TMEM255B: variants seen among roughly 807,000 people sequenced by gnomAD.
TMEM255B encodes family with sequence similarity 70, member B.
In TMEM255B, 35 loss-of-function variants were observed where a neutral mutation model predicts 34.5. That is an observed-to-expected ratio of 1.01 (90% CI 0.77 to 1.34). TMEM255B has a LOEUF of 1.34. Among genes scored for constraint, TMEM255B ranks in the 40% most tolerant of loss-of-function variants. The pLI, the probability that TMEM255B is intolerant of heterozygous loss-of-function variation, is 0.00. For missense variants in TMEM255B, 432 were observed against 433.2 expected (o/e 1.00, Z 0.02); for synonymous variants, 206 against 201.2 (o/e 1.02, Z -0.20).
rs150929981 is a variant in TMEM255B, at chr13:113,801,723, C to G, written c.580C>G (p.Arg194Gly). ...CTGCCAGGACGTGCTGCACCTGTAC[C>G]GCCTGCTCTGGGCCTCTGCAGTTCT... is the stretch of plus-strand genomic sequence containing the variant. The part of the protein sequence containing the change: ...SGCQDVLHLY[R>G]LLWASAVLNV... Residue 194 changes from arginine to glycine, a missense_variant, in exon 7 of 9, where the codon CGC (arginine) becomes GGC (glycine). Coordinates refer to ENST00000375353, the MANE Select transcript of TMEM255B (RefSeq NM_182614.4). 1.2e-6 allele frequency: 2 copies of G among 1,612,904 alleles called. No individual in the cohort carries two copies. Among genetic ancestry groups the G allele is most frequent in the African/African-American group, 2.7e-5 (2 of 74,916 alleles).
At position 113,814,411 on chromosome 13, in the gene TMEM255B, TGTCTA is replaced by T. The variant is rs1475107594; in HGVS notation, c.*2510_*2514del. On this transcript the variant is annotated 3_prime_UTR_variant, in exon 9 of 9. Coordinates refer to ENST00000375353, the MANE Select transcript of TMEM255B (RefSeq NM_182614.4). ...ATCGATCTTTCCCGACTTTTAATCTTGTCTAGAGTCAAAAGCTGTTCAAAAATATT... is the reference window on the plus strand; with the variant it reads ...ATCGATCTTTCCCGACTTTTAATCTTGAGTCAAAAGCTGTTCAAAAATATT... 6.6e-6 allele frequency: 1 copy of T among 152,268 alleles called. No individual in the cohort carries two copies. The highest frequency in any genetic ancestry group is 1.9e-4 in the East Asian group (1 of 5,196). The allele number at this position is 152,268 out of a possible 1,614,324, so 9.4% of individuals were successfully genotyped here. A position where few individuals can be genotyped will look rare whatever the true frequency, so the allele number is the denominator to read the frequency against.
chr13:113,800,803 CCTGACAAGGCCTCT>C lies in TMEM255B; in HGVS notation c.424-20_424-7del. On this transcript the variant is annotated splice_polypyrimidine_tract_variant and intron_variant, in intron 5 of 8. Coordinates refer to ENST00000375353, the MANE Select transcript of TMEM255B (RefSeq NM_182614.4). ...TGAGGTGGTGGGCACCGGCATGTGA[CCTGACAAGGCCTCT>C]CTGCCCCAGGTCACCTGTCACTCCC... 6.3e-7 allele frequency: 1 copy of C among 1,590,518 alleles called. No individual in the cohort carries two copies. Among genetic ancestry groups the C allele is most frequent in the Middle Eastern group, 2.1e-4 (1 of 4,804 alleles).
chr13:113,784,557 G>A lies in TMEM255B; in HGVS notation c.253-10591G>A, dbSNP rs144783079. On this transcript the variant is annotated intron_variant, in intron 3 of 8. Transcript: ENST00000375353. ...GAAGAGGAAGAAGAAGAAGAAGAAG[G>A]AGGAGAAGGGAGGAGGAGAAGGAGG... Among the ~76,000 whole-genome samples the A allele has an allele frequency of 8.9e-3, 1,357 of 152,154 alleles. 29 individuals are homozygous for A. Among genetic ancestry groups the A allele is most frequent in the African/African-American group, 0.03 (1,253 of 41,488 alleles).
At chr13:113,802,300 CGGGAAACCACA>C (rs2051080669) in intron 7 of TMEM255B, among the ~76,000 whole-genome samples, 1 of 152,128 alleles carries the variant, frequency 6.6e-6, no homozygotes, top group African/African-American at 2.4e-5. Flanking sequence ...GGCCCTCGCC[CGGGAAACCACA>C]GGGAAATCAC....
intron 1 of TMEM255B, 45 bp downstream of exon 1, chr13:113,759,360 G>A: frequency 8.1e-7 from 1 of 1,228,184 alleles, no homozygotes; most frequent in South Asian, 4.1e-5. Context: ...GCGGGGGAGC[G>A]TGGGGACCCC....
At chr13:113,807,445 A>ATG in intron 8 of TMEM255B, among the ~76,000 whole-genome samples, 1 of 75,192 alleles carries the variant, frequency 1.3e-5, no homozygotes, top group African/African-American at 5.7e-5. Context: ...CGTCACACGC[A>ATG]GGCTTACGGG....
chr13:113,765,981 A>C, intron 1 of TMEM255B, 134 bp from the exon 2 acceptor site: 3 of 1,137,822 alleles, frequency 2.6e-6, no homozygotes, highest in Non-Finnish European at 3.7e-6. Context: ...TGGTCCCCTG[A>C]GGTGGGCCTG....
In TMEM255B at chr13:113,812,960, C is replaced by T. The variant is rs1376049098; in HGVS notation, c.*1057C>T. 6.8e-6 allele frequency: 1 copy of T among 146,350 alleles called. No homozygotes were observed. Among genetic ancestry groups the T allele is most frequent in the Non-Finnish European group, 1.5e-5 (1 of 66,280 alleles). The allele number at this position is 146,350 out of a possible 1,614,324, so 9.1% of individuals were successfully genotyped here. On this transcript the variant is annotated 3_prime_UTR_variant, in exon 9 of 9. Coordinates refer to ENST00000375353, the MANE Select transcript of TMEM255B (RefSeq NM_182614.4). The stretch of plus-strand genomic sequence containing the variant: ...TGGGTCACGGGTCCCGGGTGGGTCA[C>T]GGGCCCCGGGTGGGTCACGGGTCCC...
chr13:113,767,529 C>G (rs185007185), intron 2 of TMEM255B, among the ~76,000 whole-genome samples: 1 of 152,314 alleles, frequency 6.6e-6, no homozygotes, highest in East Asian at 1.9e-4. Flanking sequence ...TTAAGAGCTG[C>G]CTCAGAATAA....
At chr13:113,808,294 C>G (rs1227372034) in intron 8 of TMEM255B, among the ~76,000 whole-genome samples, 1 of 152,186 alleles carries the variant, frequency 6.6e-6, no homozygotes, top group African/African-American at 2.4e-5. Flanking sequence ...TTGCACCCAG[C>G]AGCTTTGCCA....
At chr13:113,804,815 T>C in intron 7 of TMEM255B, 70 bp from the exon 8 acceptor site, 1 of 1,421,478 alleles carries the variant, frequency 7.0e-7, no homozygotes, top group South Asian at 1.3e-5. Context: ...CTGGGCTTTC[T>C]AGGAAGGCTG....
At chr13:113,807,743 TG>T (rs1264440149) in intron 8 of TMEM255B, among the ~76,000 whole-genome samples, 15 of 111,780 alleles carry the variant, frequency 1.3e-4, no homozygotes, top group Non-Finnish European at 2.1e-4. Context: ...TTATGGGATG[TG>T]GGGGGTAGTC....
rs199809562 is a variant in TMEM255B at position 113,811,946 on chromosome 13, A to T, written c.*43A>T. ...AGATAACTTGTTTGTTTTTTTTTTT[A>T]AAAAAAAGGCAGCCTCTAGAAATCC... On this transcript the variant is annotated 3_prime_UTR_variant, in exon 9 of 9. Transcript: ENST00000375353. 1,445 of 1,496,458 alleles carry T rather than the reference A, an allele frequency of 9.7e-4. 3 individuals are homozygous for T. The highest frequency in any genetic ancestry group is 2.2e-3 in the African/African-American group (137 of 61,468). 92.7% of individuals were successfully genotyped at this position (1,496,458 alleles called of 1,614,324 possible).
At chr13:113,793,331 G>A (rs74118483) in intron 3 of TMEM255B, among the ~76,000 whole-genome samples, 9,172 of 152,248 alleles carry the variant, frequency 0.06, 918 homozygotes, top group African/African-American at 0.21. Flanking sequence ...ATTTTGGAAG[G>A]GCACGTGCTT....
In TMEM255B at chr13:113,804,926, A is replaced by G. The variant is rs780600324; in HGVS notation, c.711A>G (p.Pro237=). The G allele has an allele frequency of 2.5e-6, 4 of 1,604,748 alleles. No individual in the cohort carries two copies. The highest frequency in any genetic ancestry group is 3.4e-6 in the Non-Finnish European group (4 of 1,179,628). The change falls in exon 8 of 9, where the codon CCA becomes CCG. Residue 237 remains proline, a synonymous_variant. Transcript: ENST00000375353. The part of the protein sequence containing the change: ...SQLAYGPAVP[P]QTLYNPAQQI... Reference sequence around the variant, plus strand: ...TGGCCTATGGCCCAGCCGTCCCACCACAGACCCTCTACAACCCCGCCCAGC... The same window carrying G: ...TGGCCTATGGCCCAGCCGTCCCACCGCAGACCCTCTACAACCCCGCCCAGC...
intron 3 of TMEM255B, among the ~76,000 whole-genome samples, chr13:113,786,851 G>A (rs547816476): frequency 3.9e-4 from 59 of 152,328 alleles, no homozygotes; most frequent in Non-Finnish European, 5.9e-4. Flanking sequence ...GGCTGGTGGC[G>A]TTGGAGATCA....
At chr13:113,768,285 A>G (rs1566720947) in intron 2 of TMEM255B, 1 of 463,098 alleles carries the variant, frequency 2.2e-6, no homozygotes, top group Non-Finnish European at 4.5e-6. Context: ...GCTGAAATGC[A>G]TGTTCTTCAC....
chr13:113,800,041 T>C, intron 5 of TMEM255B: 1 of 1,210,604 alleles, frequency 8.3e-7, no homozygotes, highest in Non-Finnish European at 1.1e-6. Context: ...TCTGGGACTC[T>C]CCAGCAGCTG....
intron 1 of TMEM255B, among the ~76,000 whole-genome samples, chr13:113,765,069 G>A (rs1270218022): frequency 1.3e-5 from 2 of 152,200 alleles, no homozygotes; most frequent in Non-Finnish European, 2.9e-5. Flanking sequence ...CAAGGTGGAA[G>A]GTAAAAAGCG....
Sources: gnomAD v4.1 joint callset for allele counts (sites outside exome capture counted in the v4.1 genomes callset) on GRCh38, gnomAD v4.1.1 for gene constraint, MANE v1.5 for transcripts, NCBI Gene and HGNC (gene_info 2026-07-23, HGNC 2026-07-21) for gene names.